The following CNTN3 variants were observed in gnomAD, a reference collection of about 807,000 sequenced individuals.
The protein encoded by CNTN3 is contactin-3.
A neutral mutation model predicts 119.1 loss-of-function variants in CNTN3; 60 were observed. The ratio of observed to expected loss-of-function variants is 0.50; its 90% CI spans 0.41 to 0.62. The LOEUF (loss-of-function observed/expected upper bound fraction) is 0.62, where lower values mean the gene tolerates loss of function less well. Among genes scored for constraint, CNTN3 ranks in the 20% least tolerant of loss-of-function variants. The probability of loss-of-function intolerance (pLI) is 0.00; values close to 1 mark genes in which losing one functional copy is unlikely to be tolerated. For synonymous variants in CNTN3, 450 were observed against 438.7 expected (o/e 1.03, Z -0.32); for missense variants, 1,101 against 1,242.4 (o/e 0.89, Z 1.71).
intron 17 of CNTN3, among the ~76,000 whole-genome samples, chr3:74,298,410 G>A (rs746464704): frequency 2.2e-4 from 33 of 152,110 alleles, no homozygotes; most frequent in African/African-American, 8.0e-4. Context: ...TCCAGATAAT[G>A]AACTGGAATT....
chr3:74,362,002 A>T lies in CNTN3; in HGVS notation c.1252T>A (p.Leu418Met). The change falls in exon 11 of 23, where the codon TTG becomes ATG. Residue 418 changes from leucine (L) to methionine (M), a missense_variant. Leu to Met is a conservative substitution (Grantham distance 15, BLOSUM62 2). Coordinates refer to ENST00000263665, the MANE Select transcript of CNTN3 (RefSeq NM_020872.3). Reference sequence around the variant, plus strand: ...AGGCTGCCCACCTGCACCTGAACCAACTTCTTCATTGGATTCTTTGAAAAA... The same window carrying T: ...AGGCTGCCCACCTGCACCTGAACCATCTTCTTCATTGGATTCTTTGAAAAA... ...PDFSKNPMKK[L>M]VQVQVGSLVS... The T allele has an allele frequency of 6.2e-7, 1 of 1,613,616 alleles. No individual in the cohort carries two copies. The highest frequency in any genetic ancestry group is 1.1e-5 in the South Asian group (1 of 91,044).
chr3:74,273,947 C>T lies in CNTN3; in HGVS notation c.2705-6569G>A, dbSNP rs1476906186. On this transcript the variant is annotated intron_variant, in intron 20 of 22. Coordinates refer to ENST00000263665, the MANE Select transcript of CNTN3 (RefSeq NM_020872.3). ...GCCCTGCCTGCCCACTGCCTGGAAA[C>T]GGACTTTTTTGCTGTCAGTGGGGGC... 8.5e-5 allele frequency among the ~76,000 whole-genome samples: 13 copies of T among 152,204 alleles called. No homozygotes were observed. In the South Asian group the frequency reaches 2.5e-3, roughly 29 times the overall value.
chr3:74,320,175 C>T (rs1345192523), intron 13 of CNTN3, among the ~76,000 whole-genome samples: 4 of 152,132 alleles, frequency 2.6e-5, no homozygotes, highest in Non-Finnish European at 5.9e-5. Context: ...TGGGTATATA[C>T]CCAAAGGAGT....
In CNTN3 at chr3:74,486,472, G is replaced by C. The variant is rs537176951; in HGVS notation, c.342C>G (p.Ala114=). The C allele has an allele frequency of 1.3e-5, 21 of 1,599,850 alleles. No individual in the cohort carries two copies. In the East Asian group the frequency reaches 1.8e-4, roughly 14 times the overall value. Residue 114 remains alanine (A), a synonymous_variant, in exon 4 of 23, where the codon GCC becomes GCG. Coordinates refer to ENST00000263665, the MANE Select transcript of CNTN3 (RefSeq NM_020872.3). ...TAAACTTACAGGCAAACTGAAGTTT[G>C]GCTTCTCTGCTGACAATTGTTCCAA... ...NSLGTIVSRE[A]KLQFAYLENF... is the part of the protein sequence containing the mutation.
At chr3:74,459,112 G>A (rs2106968259) in intron 4 of CNTN3, among the ~76,000 whole-genome samples, 1 of 152,124 alleles carries the variant, frequency 6.6e-6, no homozygotes, top group African/African-American at 2.4e-5. Flanking sequence ...GGACTCCTCA[G>A]GGGTCAGTCC....
At chr3:74,266,691 A>G in intron 21 of CNTN3, 42 bp from the exon 22 acceptor site, 5 of 1,586,192 alleles carry the variant, frequency 3.2e-6, no homozygotes, top group South Asian at 1.1e-5. Context: ...TATATTGCCC[A>G]TTTTTGTTTT....
At chr3:74,306,589 C>A (rs1209108961) in intron 13 of CNTN3, among the ~76,000 whole-genome samples, 1 of 152,096 alleles carries the variant, frequency 6.6e-6, no homozygotes, top group East Asian at 1.9e-4. Context: ...CTCAAAACTT[C>A]CCCTCAAAGC....
At chr3:74,437,187 G>A (rs1464848146) in intron 4 of CNTN3, among the ~76,000 whole-genome samples, 2 of 152,118 alleles carry the variant, frequency 1.3e-5, no homozygotes, top group South Asian at 2.1e-4. Flanking sequence ...GGCCAGGCAC[G>A]GTGGCTCACG....
intron 1 of CNTN3, among the ~76,000 whole-genome samples, chr3:74,527,499 G>A (rs750351047): frequency 3.3e-5 from 5 of 151,858 alleles, no homozygotes; most frequent in Non-Finnish European, 5.9e-5. Flanking sequence ...AACTCAAAGA[G>A]ATCTTCTCTG....
Position 74,269,462 on chromosome 3 carries a change from G to A in CNTN3, c.2705-2084C>T, listed in dbSNP as rs149847255. Among the ~76,000 whole-genome samples the A allele has an allele frequency of 4.7e-3, 717 of 152,152 alleles. 3 individuals carry two copies. The highest frequency in any genetic ancestry group is 5.4e-3 in the Non-Finnish European group (364 of 67,988). ...TATTAGTAACTAATACTTAGTACAC[G>A]TCTATAATATGTTAGGGATTACAGA... On this transcript the variant is annotated intron_variant, in intron 20 of 22. Transcript: ENST00000263665.
intron 1 of CNTN3, among the ~76,000 whole-genome samples, chr3:74,525,815 A>G (rs899975718): frequency 5.9e-5 from 9 of 151,862 alleles, no homozygotes; most frequent in African/African-American, 1.9e-4. Flanking sequence ...AAAATGCTCT[A>G]AATAGTTGTG....
At chr3:74,546,167 T>C (rs568369311) in intron 1 of CNTN3, among the ~76,000 whole-genome samples, 148 of 152,196 alleles carry the variant, frequency 9.7e-4, no homozygotes, top group African/African-American at 3.5e-3. Context: ...GGCTAATTTT[T>C]TGCATTTTCA....
intron 20 of CNTN3, among the ~76,000 whole-genome samples, chr3:74,271,560 A>G (rs1701775865): frequency 6.6e-6 from 1 of 152,206 alleles, no homozygotes; most frequent in Admixed American, 6.5e-5. Context: ...CAAAATATGA[A>G]ATTTTAAGAA....
intron 4 of CNTN3, among the ~76,000 whole-genome samples, chr3:74,428,206 G>T (rs1701727401): frequency 6.6e-6 from 1 of 151,614 alleles, no homozygotes; most frequent in Non-Finnish European, 1.5e-5. Context: ...ACTGTTACGG[G>T]TTTATGTATT....
At chr3:74,594,445 C>T (rs151016966) in intron 1 of CNTN3, among the ~76,000 whole-genome samples, 1 of 150,664 alleles carries the variant, frequency 6.6e-6, no homozygotes, top group South Asian at 2.1e-4. Context: ...CCTCCCCTCT[C>T]CCCCCACCCC....
chr3:74,572,570 C>A (rs1345560381), intron 1 of CNTN3, among the ~76,000 whole-genome samples: 2 of 152,118 alleles, frequency 1.3e-5, no homozygotes, highest in Non-Finnish European at 2.9e-5. Flanking sequence ...ATATACAATA[C>A]TTAACATGTT....
At chr3:74,525,980 G>A (rs1216772448) in intron 1 of CNTN3, among the ~76,000 whole-genome samples, 1 of 151,818 alleles carries the variant, frequency 6.6e-6, no homozygotes, top group East Asian at 1.9e-4. Context: ...CAAATGCTGA[G>A]AGTTACATTT....
intron 5 of CNTN3, among the ~76,000 whole-genome samples, chr3:74,377,840 A>T (rs1704518485): frequency 6.6e-6 from 1 of 152,230 alleles, no homozygotes; most frequent in South Asian, 2.1e-4. Flanking sequence ...CAGTCAATTT[A>T]ACATGAAATA....
chr3:74,424,787 T>C, intron 5 of CNTN3, 58 bp downstream of exon 5: 1 of 1,381,536 alleles, frequency 7.2e-7, no homozygotes, highest in Non-Finnish European at 1.0e-6. Flanking sequence ...GTACATGCGC[T>C]GCAGGCCTTG....
Sources: allele counts gnomAD v4.1 joint callset (sites outside exome capture counted in the v4.1 genomes callset), GRCh38; gene constraint gnomAD v4.1.1; transcripts MANE v1.5; gene names NCBI Gene and HGNC (gene_info 2026-07-23, HGNC 2026-07-21).